Variants in XPC observed in about 807,000 individuals in gnomAD.
The protein encoded by XPC is XPC complex subunit, DNA damage recognition and repair factor.
A neutral mutation model predicts 95.8 loss-of-function variants in XPC; 76 were observed. That is an observed-to-expected ratio of 0.79 (90% CI 0.66 to 0.96). The LOEUF (loss-of-function observed/expected upper bound fraction) is 0.96. Ranked by LOEUF, XPC falls within the 40% of genes least tolerant of loss-of-function variation. The pLI is 0.00. For synonymous variants in XPC, 442 were observed against 442.1 expected, an observed-to-expected ratio of 1.00 and a Z score of 0.00; for missense variants, 1,146 against 1,179.8, an observed-to-expected ratio of 0.97 and a Z score of 0.42.
chr3:14,159,025 C>G, intron 8 of XPC, 133 bp from the exon 9 acceptor site: 2 of 1,165,070 alleles, frequency 1.7e-6, no homozygotes, highest in Non-Finnish European at 2.4e-6. Context: ...CCAGCTCAGA[C>G]AGTGATCAAC....
intron 9 of XPC, among the ~76,000 whole-genome samples, chr3:14,157,523 G>C (rs1695966219): frequency 6.6e-6 from 1 of 152,044 alleles, no homozygotes; most frequent in Non-Finnish European, 1.5e-5. Flanking sequence ...CTTCTCAATA[G>C]ACTGAAGATA....
rs548142411 is a variant in XPC at position 14,145,317 on chromosome 3, T to G, written c.*624A>C. The G allele has an allele frequency of 5.2e-4, 363 of 697,154 alleles. No individual in the cohort carries two copies. The highest frequency in any genetic ancestry group is 4.4e-3 in the African/African-American group (249 of 57,088). 43.2% of individuals were successfully genotyped at this position (697,154 alleles called of 1,614,324 possible). A position where few individuals can be genotyped will look rare whatever the true frequency, so the allele number is the denominator to read the frequency against. On this transcript the variant is annotated 3_prime_UTR_variant, in exon 16 of 16. Coordinates refer to ENST00000285021, the MANE Select transcript of XPC (RefSeq NM_004628.5). Reference sequence around the variant, plus strand: ...CGTATTTTTCCTTTTCTTTCCTGATTTTAGCTTTTTTTAGGCTTCTGTCAC... The same window carrying G: ...CGTATTTTTCCTTTTCTTTCCTGATGTTAGCTTTTTTTAGGCTTCTGTCAC...
At position 14,159,430 on chromosome 3, in the gene XPC, C is replaced by T. The variant is rs570181584; in HGVS notation, c.990+311G>A. On this transcript the variant is annotated intron_variant, in intron 8 of 15. Coordinates refer to ENST00000285021, the MANE Select transcript of XPC (RefSeq NM_004628.5). The stretch of plus-strand genomic sequence containing the variant: ...AAGCTAACCCAGACCACCTCAAAAT[C>T]CACAGTGCTTCACTCATCAGCACTC... 5.3e-5 allele frequency among the ~76,000 whole-genome samples: 8 copies of T among 152,250 alleles called. No individual in the cohort carries two copies. The East Asian group carries it at 1.5e-3, about 29-fold the overall frequency.
At chr3:14,159,924 G>C in intron 7 of XPC, 94 bp from the exon 8 acceptor site, 1 of 1,248,964 alleles carries the variant, frequency 8.0e-7, no homozygotes, top group Non-Finnish European at 1.1e-6. Context: ...TTCAAGACAG[G>C]GAAAAGCTGG....
chr3:14,167,410 T>C (rs2125039531), intron 4 of XPC, 157 bp from the exon 5 acceptor site: 1 of 620,050 alleles, frequency 1.6e-6, no homozygotes, highest in Non-Finnish European at 2.6e-6. Context: ...GCCAGCTATT[T>C]CCTGCAGGCT....
intron 7 of XPC, among the ~76,000 whole-genome samples, chr3:14,164,057 A>AAAAC (rs925418578): frequency 1.5e-4 from 23 of 152,350 alleles, no homozygotes; most frequent in African/African-American, 5.5e-4. Context: ...TCAAAAAACA[A>AAAAC]AAACAAACAA....
chr3:14,155,704 A>G (rs1243786368), intron 10 of XPC, among the ~76,000 whole-genome samples: 2 of 151,852 alleles, frequency 1.3e-5, no homozygotes, highest in Admixed American at 6.6e-5. Context: ...GACTACAGGC[A>G]CCCGCCACCA....
chr3:14,148,808 C>T lies in XPC; in HGVS notation c.2250+6G>A, dbSNP rs201446851. ...TGGTCCTGAGCCCTTCTGATGCTGC[C>T]CTTACCTTCCCGTCCACGGCCACTG... On this transcript the variant is annotated splice_donor_region_variant and intron_variant, in intron 12 of 15. Transcript: ENST00000285021. 276 of 1,613,948 alleles carry T rather than the reference C, an allele frequency of 1.7e-4. 1 individual carries two copies. In the African/African-American group the frequency reaches 3.3e-3, roughly 19 times the overall value.
In XPC at chr3:14,158,575, A is replaced by G. The variant is rs763066718; in HGVS notation, c.1308T>C (p.Ser436=). ...SRVSYKEESG[S]DEAGSGSDFE... ...AATCAGAGCCGCTGCCAGCCTCATC[A>G]CTCCCACTCTCCTCTTTATAAGACA... The change falls in exon 9 of 16, where the codon AGT becomes AGC. Residue 436 remains serine, a synonymous_variant. Transcript: ENST00000285021. The surrounding 1 kb of genome is among the most constrained non-coding windows in gnomAD (Gnocchi z 5.2). 4.2e-5 allele frequency: 67 copies of G among 1,611,358 alleles called. No individual in the cohort carries two copies. The highest frequency in any genetic ancestry group is 5.2e-5 in the Non-Finnish European group (61 of 1,179,424).
At position 14,172,909 on chromosome 3, in the gene XPC, T is replaced by C. The variant is rs3731063; in HGVS notation, c.257A>G (p.Lys86Arg). The change falls in exon 2 of 16, where the codon AAG (lysine) becomes AGG (arginine). Residue 86 changes from lysine to arginine, a missense_variant. Coordinates refer to ENST00000285021, the MANE Select transcript of XPC (RefSeq NM_004628.5). ...GCTGAGGGCTTCATCCTTTATAACC[T>C]TGAGGTTTTCAGATTTAACAGTCAC... ...AKVTVKSENLKVIKDEALSDG... is the reference protein window; with the variant it reads ...AKVTVKSENLRVIKDEALSDG... 65 of 1,613,904 alleles carry C rather than the reference T, an allele frequency of 4.0e-5. No individual in the cohort carries two copies. The Admixed American group carries it at 4.5e-4, about 11-fold the overall frequency.
intron 5 of XPC, among the ~76,000 whole-genome samples, chr3:14,166,808 T>C (rs1365157647): frequency 6.6e-6 from 1 of 152,176 alleles, no homozygotes; most frequent in Non-Finnish European, 1.5e-5. Flanking sequence ...GCCAAGCACC[T>C]TGCTAGGTGT....
chr3:14,152,249 C>G (rs1249354988), intron 11 of XPC, 86 bp downstream of exon 11: 2 of 1,177,024 alleles, frequency 1.7e-6, no homozygotes, highest in Admixed American at 4.3e-5. Flanking sequence ...CTGGGAGGCT[C>G]ATCATCACTT....
intron 1 of XPC, among the ~76,000 whole-genome samples, chr3:14,173,316 C>G (rs1696689314): frequency 6.6e-6 from 1 of 152,210 alleles, no homozygotes; most frequent in Non-Finnish European, 1.5e-5. Context: ...TACCATAGGA[C>G]TCAAATAAAA....
intron 1 of XPC, among the ~76,000 whole-genome samples, chr3:14,175,269 C>G (rs748649026): frequency 1.3e-5 from 2 of 152,296 alleles, no homozygotes; most frequent in Non-Finnish European, 2.9e-5. Flanking sequence ...AAAATGCCAC[C>G]TCCTTACAAA....
At chr3:14,161,423 T>C (rs1025891180) in intron 7 of XPC, among the ~76,000 whole-genome samples, 3 of 151,744 alleles carry the variant, frequency 2.0e-5, no homozygotes, top group Non-Finnish European at 4.4e-5. Context: ...AAATCCTGAA[T>C]AAAATACTAA....
intron 3 of XPC, among the ~76,000 whole-genome samples, chr3:14,169,651 T>C (rs1416066289): frequency 6.6e-6 from 1 of 152,206 alleles, no homozygotes; most frequent in Non-Finnish European, 1.5e-5. Flanking sequence ...TGAGGTCATT[T>C]TGTCATGCAG....
chr3:14,157,618 G>A (rs1200125418), intron 9 of XPC, among the ~76,000 whole-genome samples: 1 of 152,172 alleles, frequency 6.6e-6, no homozygotes, highest in African/African-American at 2.4e-5. Flanking sequence ...TATGAGGGGT[G>A]TTTGCACGTA....
chr3:14,156,571 A>G, intron 9 of XPC, 76 bp from the exon 10 acceptor site: 1 of 1,601,094 alleles, frequency 6.2e-7, no homozygotes, highest in Non-Finnish European at 8.5e-7. Flanking sequence ...TGATCCTTAG[A>G]CTAACTTGTT....
Position 14,164,916 on chromosome 3 carries a change from G to A in XPC, c.797C>T (p.Thr266Ile), listed in dbSNP as rs759739219. 3.7e-6 allele frequency: 6 copies of A among 1,610,766 alleles called. No homozygotes were observed. In the East Asian group the frequency reaches 1.1e-4, roughly 30 times the overall value. Residue 266 changes from threonine to isoleucine, a missense_variant, in exon 7 of 16, where the codon ACA (threonine) becomes ATA (isoleucine). By Grantham distance (89) the Thr-to-Ile change is moderately conservative (BLOSUM62 -1). Transcript: ENST00000285021. ...ACTGGCTGAAAGTTCTGCATTAACTGTAAATGTTCCAATGAACCTGGGGAG... is the reference window on the plus strand; with the variant it reads ...ACTGGCTGAAAGTTCTGCATTAACTATAAATGTTCCAATGAACCTGGGGAG... ...NLVKWFIGTF[T>I]VNAELSASEQ... is the part of the protein sequence containing the mutation.
Sources: gnomAD v4.1 joint callset for allele counts (sites outside exome capture counted in the v4.1 genomes callset) on GRCh38, gnomAD v4.1.1 for gene constraint, Gnocchi (gnomAD v3.1) non-coding constraint, MANE v1.5 for transcripts, NCBI Gene and HGNC (gene_info 2026-07-23, HGNC 2026-07-21) for gene names.